Variants in RSF1 observed in about 807,000 individuals in gnomAD.
RSF1 encodes the protein HBV pX-associated protein 8.
RSF1 carries 13 observed loss-of-function variants against 145.2 expected under a neutral mutation model. The ratio of observed to expected loss-of-function variants is 0.09; its 90% CI spans 0.06 to 0.14. The LOEUF (loss-of-function observed/expected upper bound fraction) is 0.14, where lower values mean the gene tolerates loss of function less well. Ranked by LOEUF, RSF1 falls within the 10% of genes least tolerant of loss-of-function variation. The pLI is 1.00. For synonymous variants in RSF1, 577 were observed against 592.6 expected (o/e 0.97, Z 0.38); for missense variants, 1,517 against 1,718.2 (o/e 0.88, Z 2.07).
At position 77,665,660 on chromosome 11, in the gene RSF1, G is replaced by GT. The variant is rs1465460937; in HGVS notation, c.*1256dup. ...GTTCTCATTCAACTCTATGTTGGTT[G>GT]TATGACTATTAATGAATTTTAATAG... On this transcript the variant is annotated 3_prime_UTR_variant, in exon 16 of 16. Coordinates refer to ENST00000308488, the MANE Select transcript of RSF1 (RefSeq NM_016578.4). 1.3e-5 allele frequency: 2 copies of GT among 152,108 alleles called. No individual in the cohort carries two copies. The highest frequency in any genetic ancestry group is 2.9e-5 in the Non-Finnish European group (2 of 68,018). The allele number at this position is 152,108 out of a possible 1,614,324, so 9.4% of individuals were successfully genotyped here. A position where few individuals can be genotyped will look rare whatever the true frequency, so the allele number is the denominator to read the frequency against.
chr11:77,690,177 A>C (rs975846852), intron 9 of RSF1, among the ~76,000 whole-genome samples: 10 of 151,750 alleles, frequency 6.6e-5, no homozygotes, highest in South Asian at 2.1e-4. Flanking sequence ...AAAAAAAAAA[A>C]AAACAAAAAA....
chr11:77,735,156 G>T, intron 4 of RSF1: 1 of 702,692 alleles, frequency 1.4e-6, no homozygotes. Flanking sequence ...GGCCGGCTGG[G>T]GTGGGGGACG....
At chr11:77,774,462 C>T (rs1948319620) in intron 1 of RSF1, among the ~76,000 whole-genome samples, 1 of 151,774 alleles carries the variant, frequency 6.6e-6, no homozygotes, top group Non-Finnish European at 1.5e-5. Flanking sequence ...GTCCCAGCTA[C>T]TCGGGAGGCT....
In RSF1 at chr11:77,661,692, C is replaced by T. The variant is rs183689865; in HGVS notation, c.*5225G>A. 1.3e-5 allele frequency: 2 copies of T among 151,908 alleles called. No individual in the cohort carries two copies. The highest frequency in any genetic ancestry group is 6.6e-5 in the Admixed American group (1 of 15,212). The allele number at this position is 151,908 out of a possible 1,614,324, so 9.4% of individuals were successfully genotyped here. ...TCTACATCCTATTTTAGGGTATTTT[C>T]CCACCTCCCATCCCTTAAAAGCTGT... On this transcript the variant is annotated 3_prime_UTR_variant, in exon 16 of 16. Transcript: ENST00000308488.
chr11:77,767,740 C>T (rs1226117949), intron 1 of RSF1, among the ~76,000 whole-genome samples: 1 of 152,220 alleles, frequency 6.6e-6, no homozygotes, highest in Non-Finnish European at 1.5e-5. Context: ...GGAACACCCA[C>T]TGTATTCATA....
the RSF1 span, among the ~76,000 whole-genome samples, chr11:77,851,776 G>A: frequency 6.6e-6 from 1 of 152,178 alleles, no homozygotes; most frequent in Admixed American, 6.5e-5. Flanking sequence ...CAGAAGTCAA[G>A]CAGATGCTGG....
intron 2 of RSF1, chr11:77,762,022 CTTTTCTT>C (rs762740349): frequency 1.2e-5 from 1 of 80,256 alleles, no homozygotes; most frequent in African/African-American, 5.1e-5. Flanking sequence ...ATTTTCTTTT[CTTTTCTT>C]TTTTTTTTTT....
chr11:77,848,453 G>A, the RSF1 span, among the ~76,000 whole-genome samples: 7 of 152,170 alleles, frequency 4.6e-5, no homozygotes, highest in Admixed American at 3.9e-4. Flanking sequence ...TGCCTCCCAG[G>A]TTCAAGCGAT....
At chr11:77,783,767 AG>A (rs1391008121) in intron 1 of RSF1, among the ~76,000 whole-genome samples, 1 of 152,078 alleles carries the variant, frequency 6.6e-6, no homozygotes, top group Non-Finnish European at 1.5e-5. Flanking sequence ...GCTTGAGCCC[AG>A]GAAGTTGAGG....
chr11:77,799,180 A>AAAT (rs1200967878), intron 1 of RSF1, among the ~76,000 whole-genome samples: 14 of 151,936 alleles, frequency 9.2e-5, no homozygotes, highest in Non-Finnish European at 1.8e-4. Context: ...AATAGTAAAA[A>AAAT]AATAATAATA....
At chr11:77,854,183 G>A in the RSF1 span, among the ~76,000 whole-genome samples, 167 of 151,882 alleles carry the variant, frequency 1.1e-3, no homozygotes, top group African/African-American at 3.6e-3. Context: ...TAGTAGAGAC[G>A]GGGTTTCATC....
At chr11:77,688,283 G>C (rs1014224190) in intron 9 of RSF1, among the ~76,000 whole-genome samples, 4 of 152,160 alleles carry the variant, frequency 2.6e-5, no homozygotes, top group Admixed American at 6.5e-5. Flanking sequence ...GGGTGACGGA[G>C]CAAGACTCTG....
the RSF1 span, among the ~76,000 whole-genome samples, chr11:77,834,632 C>A: frequency 6.6e-6 from 1 of 152,026 alleles, no homozygotes; most frequent in Non-Finnish European, 1.5e-5. Context: ...TCAGGCTGAT[C>A]TCGAACTCCT....
At chr11:77,782,727 T>A (rs1445589560) in intron 1 of RSF1, among the ~76,000 whole-genome samples, 1 of 152,200 alleles carries the variant, frequency 6.6e-6, no homozygotes. Context: ...AATCTTAGTG[T>A]CTGTAACGTT....
intron 1 of RSF1, among the ~76,000 whole-genome samples, chr11:77,811,468 G>A (rs1172058622): frequency 6.6e-6 from 1 of 152,148 alleles, no homozygotes; most frequent in East Asian, 1.9e-4. Flanking sequence ...CAAAGTGTAC[G>A]TGCAGGGTAA....
intron 5 of RSF1, among the ~76,000 whole-genome samples, chr11:77,703,929 C>T (rs1960481964): frequency 6.6e-6 from 1 of 152,186 alleles, no homozygotes; most frequent in Non-Finnish European, 1.5e-5. Flanking sequence ...TTGAGATTAG[C>T]TAGTATATCA....
chr11:77,842,697 A>G, the RSF1 span: 1 of 1,578,474 alleles, frequency 6.3e-7, no homozygotes, highest in South Asian at 1.2e-5. Context: ...CTAAGCTGCA[A>G]TGACTAAGTG....
At chr11:77,731,968 C>G (rs1961217083) in intron 4 of RSF1, among the ~76,000 whole-genome samples, 1 of 152,202 alleles carries the variant, frequency 6.6e-6, no homozygotes, top group Non-Finnish European at 1.5e-5. Context: ...CCTAGTGGAG[C>G]TGTGAGAAGA....
At chr11:77,683,223 G>A (rs1207438870) in intron 11 of RSF1, among the ~76,000 whole-genome samples, 1 of 152,154 alleles carries the variant, frequency 6.6e-6, no homozygotes, top group African/African-American at 2.4e-5. Context: ...CCCGAGAGGT[G>A]GAGGTTGCAG....
Sources: allele counts gnomAD v4.1 joint callset (sites outside exome capture counted in the v4.1 genomes callset), GRCh38; gene constraint gnomAD v4.1.1; transcripts MANE v1.5; gene names NCBI Gene and HGNC (gene_info 2026-07-23, HGNC 2026-07-21).